MBNL1: variants seen among roughly 807,000 people sequenced by gnomAD.
MBNL1 encodes the protein muscleblind-like protein 1.
A neutral mutation model predicts 42.2 loss-of-function variants in MBNL1; 8 were observed. The ratio of observed to expected loss-of-function variants is 0.19; its 90% CI spans 0.11 to 0.34. The LOEUF is 0.34. Among genes scored for constraint, MBNL1 ranks in the 10% least tolerant of loss-of-function variants. The probability of loss-of-function intolerance (pLI) is 1.00; values close to 1 mark genes in which losing one functional copy is unlikely to be tolerated. For synonymous variants in MBNL1, 169 were observed against 173.9 expected, an observed-to-expected ratio of 0.97 and a Z score of 0.22; for missense variants, 309 against 495.3, an observed-to-expected ratio of 0.62 and a Z score of 3.57.
chr3:152,445,489 C>G lies in MBNL1; in HGVS notation c.757C>G (p.Gln253Glu). The change falls in exon 5 of 10, where the codon CAG (glutamine) becomes GAG (glutamate). Residue 253 changes from glutamine to glutamate, a missense_variant. Gln to Glu is a conservative substitution (Grantham distance 29). Transcript: ENST00000324210. ...AGCCAAGATCAAGGCTGCCCAATAC[C>G]AGGTCAACCAGGCTGCAGCTGCACA... is the stretch of plus-strand genomic sequence containing the variant. Reference protein sequence around the residue: ...LQAKIKAAQYQVNQAAAAQAA... With the variant: ...LQAKIKAAQYEVNQAAAAQAA... The G allele has an allele frequency of 6.2e-7, 1 of 1,613,984 alleles. No individual in the cohort carries two copies. Among genetic ancestry groups the G allele is most frequent in the East Asian group, 2.2e-5 (1 of 44,874 alleles).
intron 4 of MBNL1, 76 bp from the exon 5 acceptor site, chr3:152,445,206 C>A (rs1314944123): frequency 2.3e-6 from 3 of 1,318,096 alleles, no homozygotes; most frequent in African/African-American, 2.9e-5. Flanking sequence ...ACCAGTCTTG[C>A]ACTTTAAGTT....
chr3:152,439,859 A>G (rs2099123924), intron 4 of MBNL1, among the ~76,000 whole-genome samples: 1 of 152,154 alleles, frequency 6.6e-6, no homozygotes, highest in Middle Eastern at 3.4e-3. Context: ...AGTAGTAATA[A>G]TAATAATAAT....
intron 3 of MBNL1, among the ~76,000 whole-genome samples, chr3:152,426,174 A>G (rs570762384): frequency 8.0e-5 from 12 of 150,516 alleles, no homozygotes; most frequent in Non-Finnish European, 1.3e-4. Flanking sequence ...CGGGGGGGGA[A>G]CATCACACAC....
chr3:152,378,031 A>G (rs1003018092), intron 2 of MBNL1, among the ~76,000 whole-genome samples: 1 of 152,156 alleles, frequency 6.6e-6, no homozygotes, highest in Admixed American at 6.6e-5. Context: ...TTAAGTGAGG[A>G]CTAACTATAT....
chr3:152,410,228 T>C (rs1030151892), intron 2 of MBNL1, among the ~76,000 whole-genome samples: 1 of 152,140 alleles, frequency 6.6e-6, no homozygotes, highest in African/African-American at 2.4e-5. Context: ...TTAATCTAAA[T>C]GTATATTTTC....
At chr3:152,279,634 A>G (rs1252344023) in intron 1 of MBNL1, among the ~76,000 whole-genome samples, 1 of 152,128 alleles carries the variant, frequency 6.6e-6, no homozygotes, top group East Asian at 1.9e-4. Context: ...TCTTCAGTAG[A>G]TATGGTATGG....
At chr3:152,252,058 A>G (rs1413781757) in intron 2 of MBNL1, among the ~76,000 whole-genome samples, 1 of 151,720 alleles carries the variant, frequency 6.6e-6, no homozygotes, top group Non-Finnish European at 1.5e-5. Context: ...TCTTTTTTCC[A>G]TGACTCAACT....
At chr3:152,378,335 A>G (rs776327147) in intron 2 of MBNL1, among the ~76,000 whole-genome samples, 9 of 152,214 alleles carry the variant, frequency 5.9e-5, no homozygotes, top group African/African-American at 9.6e-5. Flanking sequence ...CTCTATGTCT[A>G]TTTTTTTTAA....
chr3:152,349,750 T>C (rs1243068454), intron 2 of MBNL1, among the ~76,000 whole-genome samples: 1 of 142,336 alleles, frequency 7.0e-6, no homozygotes, highest in Non-Finnish European at 1.5e-5. Flanking sequence ...GTGGGCACAG[T>C]AAATTGTCTG....
intron 6 of MBNL1, among the ~76,000 whole-genome samples, chr3:152,454,903 C>A (rs545767553): frequency 1.3e-5 from 2 of 152,262 alleles, no homozygotes; most frequent in South Asian, 4.1e-4. Context: ...AGGAAAGGCA[C>A]AAATTTCACT....
intron 1 of MBNL1, among the ~76,000 whole-genome samples, chr3:152,280,930 A>C (rs939262684): frequency 6.6e-6 from 1 of 152,114 alleles, no homozygotes; most frequent in Non-Finnish European, 1.5e-5. Context: ...ATAAAGTTTT[A>C]CTATAAGATT....
At chr3:152,260,145 G>C (rs1405935556) in intron 2 of MBNL1, among the ~76,000 whole-genome samples, 1 of 152,178 alleles carries the variant, frequency 6.6e-6, no homozygotes, top group African/African-American at 2.4e-5. Flanking sequence ...ATAAGGTTTA[G>C]AATGAAAATG....
chr3:152,274,871 AGTC>A (rs1287403206), intron 1 of MBNL1, among the ~76,000 whole-genome samples: 2 of 152,194 alleles, frequency 1.3e-5, no homozygotes, highest in Non-Finnish European at 2.9e-5. Flanking sequence ...ACAGTTTACT[AGTC>A]AATCCATGGT....
At chr3:152,290,309 T>A (rs890438233) in intron 1 of MBNL1, among the ~76,000 whole-genome samples, 1 of 152,138 alleles carries the variant, frequency 6.6e-6, no homozygotes, top group South Asian at 2.1e-4. Flanking sequence ...AGGTTTTTTT[T>A]TAAATTATAT....
intron 2 of MBNL1, among the ~76,000 whole-genome samples, chr3:152,404,212 G>C (rs550695478): frequency 1.3e-5 from 2 of 152,282 alleles, no homozygotes; most frequent in Admixed American, 1.3e-4. Flanking sequence ...GCAGAGCAGT[G>C]TAATATATAC....
upstream of MBNL1, chr3:152,263,244 C>T (rs923559189): frequency 2.0e-5 from 3 of 152,152 alleles, no homozygotes. Flanking sequence ...ATTAACTATG[C>T]TTTTAAAAAT....
At chr3:152,458,067 A>G in intron 8 of MBNL1, 1 of 1,390,210 alleles carries the variant, frequency 7.2e-7, no homozygotes, top group South Asian at 1.2e-5. Flanking sequence ...TGCATGCAGA[A>G]GTTTATAGCT....
chr3:152,265,141 T>A (rs1292435438), upstream of MBNL1: 1 of 152,172 alleles, frequency 6.6e-6, no homozygotes, highest in African/African-American at 2.4e-5. Flanking sequence ...TGTGATAAAT[T>A]TAATGCATCT....
At chr3:152,287,255 G>C (rs2053076356) in intron 1 of MBNL1, among the ~76,000 whole-genome samples, 1 of 151,966 alleles carries the variant, frequency 6.6e-6, no homozygotes, top group African/African-American at 2.4e-5. Flanking sequence ...TAGTATCTTA[G>C]AGTGATGTGC....
Sources: gnomAD v4.1 joint callset for allele counts (sites outside exome capture counted in the v4.1 genomes callset) on GRCh38, gnomAD v4.1.1 for gene constraint, MANE v1.5 for transcripts, NCBI Gene and HGNC (gene_info 2026-07-23, HGNC 2026-07-21) for gene names.